The following ROBO2 variants were observed in gnomAD, a reference collection of about 807,000 sequenced individuals.
ROBO2 encodes the protein roundabout guidance receptor 2, also known as roundabout homolog 2.
ROBO2 carries 53 observed loss-of-function variants against 160.8 expected under a neutral mutation model. That is an observed-to-expected ratio of 0.33 (90% CI 0.26 to 0.41). The LOEUF (loss-of-function observed/expected upper bound fraction) is 0.41, where lower values mean the gene tolerates loss of function less well. Among genes scored for constraint, ROBO2 ranks in the 10% least tolerant of loss-of-function variants. ROBO2 has a pLI of 1.00. For missense variants in ROBO2, 1,577 were observed against 1,722.4 expected, an observed-to-expected ratio of 0.92 and a Z score of 1.49; for synonymous variants, 664 against 611.7, an observed-to-expected ratio of 1.09 and a Z score of -1.26.
chr3:76,441,650 G>A (rs9856291), intron 2 of ROBO2, among the ~76,000 whole-genome samples: 9,489 of 152,078 alleles, frequency 0.062, 1,000 homozygotes, highest in African/African-American at 0.22. Flanking sequence ...AACTGTGTGA[G>A]TGTGTATCCT....
chr3:77,153,780 C>T (rs1033418413), intron 2 of ROBO2, among the ~76,000 whole-genome samples: 6 of 152,054 alleles, frequency 3.9e-5, no homozygotes, highest in African/African-American at 1.4e-4. Flanking sequence ...TTGGATGAAA[C>T]TTGATATGAT....
intron 2 of ROBO2, among the ~76,000 whole-genome samples, chr3:77,269,502 C>A (rs1560388560): frequency 6.6e-6 from 1 of 152,090 alleles, no homozygotes; most frequent in Non-Finnish European, 1.5e-5. Flanking sequence ...CATCTGCGAG[C>A]CACAAGTAAA....
chr3:77,056,075 C>G (rs1354263059), intron 1 of ROBO2, among the ~76,000 whole-genome samples: 4 of 152,146 alleles, frequency 2.6e-5, no homozygotes, highest in African/African-American at 4.8e-5. Context: ...AACATTAGAT[C>G]ATAGGAAGGC....
At chr3:76,948,904 ATATATTTTTTT>A (rs1244632801) in intron 2 of ROBO2, among the ~76,000 whole-genome samples, 798 of 24,624 alleles carry the variant, frequency 0.032, 3 homozygotes, top group Admixed American at 0.044. Flanking sequence ...ATATATATAT[ATATATTTTTTT>A]TTTTTTTTTT....
At chr3:76,729,131 G>C (rs2093595833) in intron 2 of ROBO2, among the ~76,000 whole-genome samples, 2 of 152,096 alleles carry the variant, frequency 1.3e-5, no homozygotes, top group South Asian at 2.1e-4. Context: ...GTCCCTGTCA[G>C]AGATTTGCTT....
intron 2 of ROBO2, among the ~76,000 whole-genome samples, chr3:77,273,936 T>C (rs1164755616): frequency 1.3e-5 from 2 of 152,122 alleles, no homozygotes; most frequent in African/African-American, 4.8e-5. Flanking sequence ...CAAAAGATGT[T>C]AGAATTCCAC....
intron 2 of ROBO2, among the ~76,000 whole-genome samples, chr3:77,154,916 C>T (rs1328839475): frequency 6.6e-6 from 1 of 151,862 alleles, no homozygotes. Flanking sequence ...CTATTGGGTA[C>T]TAGACTCAGT....
At chr3:76,889,604 C>T (rs980071955) in intron 2 of ROBO2, among the ~76,000 whole-genome samples, 6 of 151,910 alleles carry the variant, frequency 3.9e-5, no homozygotes, top group Admixed American at 3.3e-4. Flanking sequence ...AAATGTTTAT[C>T]GAATATATAC....
intron 2 of ROBO2, among the ~76,000 whole-genome samples, chr3:76,442,332 C>G (rs188766618): frequency 2.2e-4 from 34 of 152,300 alleles, no homozygotes; most frequent in Non-Finnish European, 4.3e-4. Context: ...TCAGGATGCT[C>G]TCAAGGGTGT....
intron 2 of ROBO2, among the ~76,000 whole-genome samples, chr3:76,821,154 T>C (rs527662609): frequency 6.6e-6 from 1 of 152,002 alleles, no homozygotes; most frequent in Admixed American, 6.6e-5. Context: ...CACTACCATA[T>C]AATTAAACGT....
At chr3:77,133,218 A>G (rs2076002332) in intron 2 of ROBO2, among the ~76,000 whole-genome samples, 2 of 152,176 alleles carry the variant, frequency 1.3e-5, no homozygotes, top group Admixed American at 6.5e-5. Context: ...AGGCAAACAC[A>G]TATTATGGAA....
intron 2 of ROBO2, among the ~76,000 whole-genome samples, chr3:76,735,112 TC>T (rs1269521918): frequency 1.3e-5 from 2 of 152,178 alleles, no homozygotes; most frequent in Non-Finnish European, 2.9e-5. Context: ...AATAAATTGT[TC>T]TACGAAAAAG....
intron 2 of ROBO2, among the ~76,000 whole-genome samples, chr3:75,954,485 ATTAG>A (rs1218527274): frequency 1.3e-5 from 2 of 151,870 alleles, no homozygotes; most frequent in Non-Finnish European, 2.9e-5. Flanking sequence ...AAAGTCTTGT[ATTAG>A]TTTCCCCATT....
chr3:77,610,009 ATTT>A (rs1253398411), intron 21 of ROBO2, among the ~76,000 whole-genome samples: 1 of 150,896 alleles, frequency 6.6e-6, no homozygotes, highest in Non-Finnish European at 1.5e-5. Context: ...GAAAATTATT[ATTT>A]TAATTATTTG....
At chr3:76,640,823 G>A (rs1361730856) in intron 2 of ROBO2, among the ~76,000 whole-genome samples, 1 of 151,978 alleles carries the variant, frequency 6.6e-6, no homozygotes, top group African/African-American at 2.4e-5. Flanking sequence ...GGAAAATAAG[G>A]ACGTTCTCAA....
At chr3:76,321,397 G>T (rs758308601) in intron 2 of ROBO2, among the ~76,000 whole-genome samples, 15 of 152,044 alleles carry the variant, frequency 9.9e-5, no homozygotes, top group Non-Finnish European at 1.6e-4. Context: ...CCACTGCTCA[G>T]GAGGCTGAGG....
chr3:76,529,815 C>A (rs959142589), intron 2 of ROBO2, among the ~76,000 whole-genome samples: 2 of 152,100 alleles, frequency 1.3e-5, no homozygotes, highest in African/African-American at 4.8e-5. Flanking sequence ...TCCCTTGCAG[C>A]ATTTTAACAT....
intron 2 of ROBO2, among the ~76,000 whole-genome samples, chr3:77,431,563 A>T (rs1201214167): frequency 6.6e-6 from 1 of 152,104 alleles, no homozygotes; most frequent in Non-Finnish European, 1.5e-5. Flanking sequence ...GCCTGAAATG[A>T]CATAGTCGCT....
chr3:77,430,245 A>G (rs757541823), intron 2 of ROBO2, among the ~76,000 whole-genome samples: 3 of 152,120 alleles, frequency 2.0e-5, no homozygotes, highest in Non-Finnish European at 2.9e-5. Context: ...GTCTACATGA[A>G]GAAGTTGTGG....
Sources: allele counts gnomAD v4.1 joint callset (sites outside exome capture counted in the v4.1 genomes callset), GRCh38; gene constraint gnomAD v4.1.1; transcripts MANE v1.5; gene names NCBI Gene and HGNC (gene_info 2026-07-23, HGNC 2026-07-21).